PARD3B: variants seen among roughly 807,000 people sequenced by gnomAD.
The protein encoded by PARD3B is par-3 family cell polarity regulator beta.
A neutral mutation model predicts 130.2 loss-of-function variants in PARD3B; 103 were observed. The ratio of observed to expected loss-of-function variants is 0.79; its 90% CI spans 0.67 to 0.93. PARD3B has a LOEUF of 0.93. Among genes scored for constraint, PARD3B ranks in the 40% least tolerant of loss-of-function variants. The pLI, the probability that PARD3B is intolerant of heterozygous loss-of-function variation, is 0.00. For missense variants in PARD3B, 1,609 were observed against 1,499.2 expected (o/e 1.07, Z -1.21); for synonymous variants, 583 against 553.2 (o/e 1.05, Z -0.76).
chr2:205,393,711 C>T (rs1170852011), intron 18 of PARD3B, among the ~76,000 whole-genome samples: 2 of 152,262 alleles, frequency 1.3e-5, no homozygotes, highest in South Asian at 2.1e-4. Flanking sequence ...GTAATAACTG[C>T]ATAAACTGCC....
intron 7 of PARD3B, among the ~76,000 whole-genome samples, chr2:205,119,697 G>A (rs1032256791): frequency 6.6e-6 from 1 of 152,022 alleles, no homozygotes; most frequent in African/African-American, 2.4e-5. Context: ...CAGGAGAATC[G>A]CTTGAACCTG....
At position 205,588,383 on chromosome 2, in the gene PARD3B, GCA is replaced by G. The variant is rs1254597061; in HGVS notation, c.3261-27069_3261-27068del. Among the ~76,000 whole-genome samples the G allele has an allele frequency of 2.0e-5, 3 of 152,154 alleles. No individual in the cohort carries two copies. In the East Asian group the frequency reaches 5.8e-4, roughly 29 times the overall value. ...TCTATCCCAGAGAATTCTTTCCACA[GCA>G]CACTTTTCTTATTTTTGTTATTCAT... is the stretch of plus-strand genomic sequence containing the variant. On this transcript the variant is annotated intron_variant, in intron 22 of 22. Transcript: ENST00000406610.
At chr2:205,381,411 A>G (rs1012076307) in intron 18 of PARD3B, among the ~76,000 whole-genome samples, 1 of 151,212 alleles carries the variant, frequency 6.6e-6, no homozygotes, top group Non-Finnish European at 1.5e-5. Context: ...TGCTAATTAC[A>G]TATGTCGTTA....
At chr2:204,765,167 C>G (rs907353724) in intron 2 of PARD3B, among the ~76,000 whole-genome samples, 2 of 152,166 alleles carry the variant, frequency 1.3e-5, no homozygotes, top group Non-Finnish European at 2.9e-5. Context: ...ACATTTGTTT[C>G]ACTGAGCAGA....
intron 18 of PARD3B, among the ~76,000 whole-genome samples, chr2:205,384,947 A>G (rs1432970652): frequency 1.3e-5 from 2 of 152,078 alleles, no homozygotes; most frequent in African/African-American, 4.8e-5. Context: ...CATTCACTAG[A>G]CTATAAATTC....
intron 16 of PARD3B, among the ~76,000 whole-genome samples, chr2:205,277,751 G>A (rs986985723): frequency 2.6e-5 from 4 of 152,168 alleles, no homozygotes; most frequent in Admixed American, 2.6e-4. Context: ...GGTGAAGTAA[G>A]ATGAGTGAGA....
At chr2:204,599,293 T>G (rs192973161) in intron 1 of PARD3B, among the ~76,000 whole-genome samples, 4 of 152,066 alleles carry the variant, frequency 2.6e-5, no homozygotes, top group Admixed American at 6.5e-5. Context: ...ACTCTTCCCA[T>G]CTAGCTATTA....
chr2:205,096,176 T>G (rs1032728671), intron 4 of PARD3B, among the ~76,000 whole-genome samples: 1 of 152,110 alleles, frequency 6.6e-6, no homozygotes, highest in Non-Finnish European at 1.5e-5. Context: ...GTTTATTCAG[T>G]TGGAGTTTGC....
chr2:205,442,271 C>T (rs2047741290), intron 20 of PARD3B, among the ~76,000 whole-genome samples: 1 of 150,374 alleles, frequency 6.7e-6, no homozygotes, highest in African/African-American at 2.5e-5. Context: ...CTAGGGTAAG[C>T]CACAAGGAAC....
chr2:204,650,837 G>A (rs1226030787), intron 1 of PARD3B, among the ~76,000 whole-genome samples: 1 of 152,030 alleles, frequency 6.6e-6, no homozygotes, highest in East Asian at 1.9e-4. Flanking sequence ...GGACTCTTAT[G>A]ATCATGGTGG....
In PARD3B at chr2:204,678,620, G is replaced by A. The variant is rs1042031481; in HGVS notation, c.121-7561G>A. 3.9e-5 allele frequency among the ~76,000 whole-genome samples: 6 copies of A among 151,994 alleles called. No homozygotes were observed. Among genetic ancestry groups the A allele is most frequent in the African/African-American group, 9.7e-5 (4 of 41,376 alleles). ...GTGGTCTGACATTAAGCCGCGTCTA[G>A]CCTTAGTCTCTGATGCGCAGTTGCT... On this transcript the variant is annotated intron_variant, in intron 1 of 22. Transcript: ENST00000406610. This position sits in a 1 kb window ranked among gnomAD's most constrained non-coding sequence, Gnocchi z 4.2.
rs1240506219 is a variant in PARD3B, at chr2:205,274,766, T to C, written c.2186-25764T>C. On this transcript the variant is annotated intron_variant, in intron 16 of 22. Transcript: ENST00000406610. The surrounding 1 kb of genome is among the most constrained non-coding windows in gnomAD (Gnocchi z 4.2). ...GCCCTCTACAGAAATCATTATATTATTTTATAAAGAATCCATAACATTTTC... is the reference window on the plus strand; with the variant it reads ...GCCCTCTACAGAAATCATTATATTACTTTATAAAGAATCCATAACATTTTC... Among the ~76,000 whole-genome samples, 1 of 152,204 alleles carries C rather than the reference T, an allele frequency of 6.6e-6. No individual in the cohort carries two copies. The highest frequency in any genetic ancestry group is 2.4e-5 in the African/African-American group (1 of 41,464).
intron 18 of PARD3B, among the ~76,000 whole-genome samples, chr2:205,374,528 C>T (rs778207622): frequency 5.9e-5 from 9 of 152,134 alleles, no homozygotes; most frequent in Non-Finnish European, 8.8e-5. Context: ...CCACTGCGTC[C>T]GGCCCAACCA....
intron 18 of PARD3B, among the ~76,000 whole-genome samples, chr2:205,364,981 C>G (rs1197285348): frequency 6.6e-6 from 1 of 151,994 alleles, no homozygotes; most frequent in East Asian, 1.9e-4. Flanking sequence ...GCGAGTAGAT[C>G]ACGAGGTCAG....
At chr2:205,152,356 T>C (rs1434996160) in intron 10 of PARD3B, among the ~76,000 whole-genome samples, 1 of 152,224 alleles carries the variant, frequency 6.6e-6, no homozygotes, top group Non-Finnish European at 1.5e-5. Flanking sequence ...AAGAGTGTTT[T>C]CCAACTTGGT....
Position 205,407,988 on chromosome 2 carries a change from T to C in PARD3B, c.2741+6865T>C, listed in dbSNP as rs943746513. Among the ~76,000 whole-genome samples, 1 of 152,146 alleles carries C rather than the reference T, an allele frequency of 6.6e-6. No homozygotes were observed. Among genetic ancestry groups the C allele is most frequent in the Non-Finnish European group, 1.5e-5 (1 of 68,020 alleles). On this transcript the variant is annotated intron_variant, in intron 19 of 22. Coordinates refer to ENST00000406610, the MANE Select transcript of PARD3B (RefSeq NM_001302769.2). The surrounding 1 kb of genome is among the most constrained non-coding windows in gnomAD (Gnocchi z 4.1). ...GATGGGAGAAAAAAAAGATCCAACCTCTTCAGCTTCAGCATTGAAAAGTAT... is the reference window on the plus strand; with the variant it reads ...GATGGGAGAAAAAAAAGATCCAACCCCTTCAGCTTCAGCATTGAAAAGTAT...
intron 3 of PARD3B, among the ~76,000 whole-genome samples, chr2:204,969,942 TG>T (rs1259811728): frequency 2.6e-5 from 4 of 152,180 alleles, no homozygotes; most frequent in African/African-American, 9.7e-5. Context: ...TGTTTGTATG[TG>T]TAGGAAAGTT....
intron 1 of PARD3B, among the ~76,000 whole-genome samples, chr2:204,600,637 A>T (rs2033472342): frequency 1.5e-5 from 2 of 131,204 alleles, no homozygotes; most frequent in Admixed American, 1.4e-4. Context: ...GGAAATTTTT[A>T]AATTTTTAAA....
rs1559341948 is a variant in PARD3B, at chr2:204,998,460, T to TATATGTATATATATGTGTATATA, written c.394+33141_394+33142insGTATATATATGTGTATATAATAT. Among the ~76,000 whole-genome samples, 112 of 78,266 alleles carry TATATGTATATATATGTGTATATA rather than the reference T, an allele frequency of 1.4e-3. 5 individuals are homozygous for TATATGTATATATATGTGTATATA. The highest frequency in any genetic ancestry group is 2.3e-3 in the Non-Finnish European group (96 of 41,174). 51.3% of individuals were successfully genotyped at this position (78,266 alleles called of 152,430 possible). A position where few individuals can be genotyped will look rare whatever the true frequency, so the allele number is the denominator to read the frequency against. ...TGTGTGTGTATATATATGTGTATAT[T>TATATGTATATATATGTGTATATA]ATATATGTATATATATGTGTATATA... On this transcript the variant is annotated intron_variant, in intron 3 of 22. Coordinates refer to ENST00000406610, the MANE Select transcript of PARD3B (RefSeq NM_001302769.2).
Sources: allele counts gnomAD v4.1 joint callset (sites outside exome capture counted in the v4.1 genomes callset), GRCh38; gene constraint gnomAD v4.1.1; non-coding constraint Gnocchi (gnomAD v3.1); transcripts MANE v1.5; gene names NCBI Gene and HGNC (gene_info 2026-07-23, HGNC 2026-07-21).